The following SDK1 variants were observed in gnomAD, a reference collection of about 807,000 sequenced individuals.
The protein encoded by SDK1 is sidekick cell adhesion molecule 1, also known as protein sidekick-1.
A neutral mutation model predicts 245.5 loss-of-function variants in SDK1; 157 were observed. The observed-to-expected ratio is 0.64, with a 90% CI of 0.56 to 0.73. The LOEUF (loss-of-function observed/expected upper bound fraction) is 0.73, where lower values mean the gene tolerates loss of function less well. SDK1 is among the 30% of genes least tolerant of loss of function. The pLI, the probability that SDK1 is intolerant of heterozygous loss-of-function variation, is 0.00. For synonymous variants in SDK1, 1,647 were observed against 1,278.5 expected, an observed-to-expected ratio of 1.29 and a Z score of -6.15; for missense variants, 3,583 against 3,002.3, an observed-to-expected ratio of 1.19 and a Z score of -4.52.
intron 35 of SDK1, among the ~76,000 whole-genome samples, chr7:4,182,060 C>T (rs956686053): frequency 1.3e-5 from 2 of 152,340 alleles, no homozygotes; most frequent in East Asian, 1.9e-4. Context: ...GCTGGGATTA[C>T]AGGCGCCCGC....
chr7:3,842,473 T>G (rs935387906), intron 5 of SDK1, among the ~76,000 whole-genome samples: 2 of 152,100 alleles, frequency 1.3e-5, no homozygotes, highest in African/African-American at 4.8e-5. Context: ...TGTACTGGCA[T>G]GGGTACTAGG....
intron 4 of SDK1, among the ~76,000 whole-genome samples, chr7:3,768,484 C>G (rs1345256774): frequency 6.6e-6 from 1 of 152,110 alleles, no homozygotes; most frequent in African/African-American, 2.4e-5. Context: ...ATTATTAAGC[C>G]CTCAGCATTT....
At chr7:4,010,787 T>C (rs1294865027) in intron 14 of SDK1, among the ~76,000 whole-genome samples, 179 bp from the exon 15 acceptor site, 1 of 152,204 alleles carries the variant, frequency 6.6e-6, no homozygotes, top group Non-Finnish European at 1.5e-5. Context: ...GCTTGTAAGT[T>C]ACTAGCCACA....
At chr7:4,228,887 C>G (rs1785588654) in intron 40 of SDK1, among the ~76,000 whole-genome samples, 1 of 152,098 alleles carries the variant, frequency 6.6e-6, no homozygotes. Flanking sequence ...GGAAGAGAAA[C>G]CAGGCTGGCT....
chr7:3,302,083 C>T (rs902364185), intron 1 of SDK1, 199 bp downstream of exon 1: 8 of 268,420 alleles, frequency 3.0e-5, no homozygotes, highest in East Asian at 2.1e-4. Context: ...AGAGCCTGCA[C>T]CCCGTCTGCT....
In SDK1 at chr7:4,231,302, G is replaced by A. The variant is rs188182003; in HGVS notation, c.5828-1953G>A. ...ATAATGGCCAGGCATAGTGGCTCAT[G>A]CCTATAATTCCAGCACTTTGAGAGG... On this transcript the variant is annotated intron_variant, in intron 40 of 44. Transcript: ENST00000404826. Among the ~76,000 whole-genome samples the A allele has an allele frequency of 2.0e-5, 3 of 152,076 alleles. No individual in the cohort carries two copies. In the East Asian group the frequency reaches 5.8e-4, roughly 29 times the overall value.
intron 2 of SDK1, among the ~76,000 whole-genome samples, chr7:3,637,461 C>A (rs1445580981): frequency 6.6e-6 from 1 of 152,172 alleles, no homozygotes; most frequent in African/African-American, 2.4e-5. Flanking sequence ...CTTAATTTGT[C>A]TGTGAACGTG....
chr7:3,773,453 C>G (rs115405389), intron 4 of SDK1, among the ~76,000 whole-genome samples: 2 of 152,062 alleles, frequency 1.3e-5, no homozygotes, highest in Non-Finnish European at 2.9e-5. Flanking sequence ...TTGGCTTTCT[C>G]CACATCTGCC....
At chr7:3,396,246 T>A (rs1781893798) in intron 1 of SDK1, among the ~76,000 whole-genome samples, 1 of 151,906 alleles carries the variant, frequency 6.6e-6, no homozygotes, top group Non-Finnish European at 1.5e-5. Context: ...TGCATTATTG[T>A]TGGTAAATAT....
At chr7:4,248,287 CGCACACATATCTATACATACACACAT>C (rs1279889674) in intron 44 of SDK1, among the ~76,000 whole-genome samples, 10 of 151,782 alleles carry the variant, frequency 6.6e-5, no homozygotes, top group African/African-American at 2.4e-4. Context: ...TACACACACA[CGCACACATATCTATACATACACACAT>C]GCACACACAT....
At chr7:3,671,410 T>A (rs1204193054) in intron 4 of SDK1, among the ~76,000 whole-genome samples, 2 of 152,158 alleles carry the variant, frequency 1.3e-5, no homozygotes, top group Non-Finnish European at 2.9e-5. Context: ...TCAATGTACA[T>A]CTCCCCAAAG....
intron 1 of SDK1, among the ~76,000 whole-genome samples, chr7:3,335,439 T>A (rs1780176048): frequency 6.6e-6 from 1 of 151,470 alleles, no homozygotes; most frequent in African/African-American, 2.4e-5. Context: ...TTTTTTCTGT[T>A]CCCCAGTAGA....
At chr7:3,485,829 A>T (rs534287508) in intron 1 of SDK1, among the ~76,000 whole-genome samples, 1 of 151,410 alleles carries the variant, frequency 6.6e-6, no homozygotes, top group South Asian at 2.1e-4. Context: ...GAATCCAACT[A>T]TGGTGGCTTT....
intron 1 of SDK1, among the ~76,000 whole-genome samples, chr7:3,566,909 G>T (rs992003347): frequency 2.0e-5 from 3 of 152,130 alleles, no homozygotes; most frequent in Non-Finnish European, 4.4e-5. Flanking sequence ...AGTTGGCTGA[G>T]GATGGTAGAT....
chr7:3,555,772 A>G (rs927245183), intron 1 of SDK1, among the ~76,000 whole-genome samples: 4 of 152,212 alleles, frequency 2.6e-5, no homozygotes, highest in African/African-American at 9.7e-5. Flanking sequence ...ATCTGAATAG[A>G]TATTTTGCAA....
chr7:3,666,520 G>A (rs997258438), intron 4 of SDK1, among the ~76,000 whole-genome samples: 1 of 152,114 alleles, frequency 6.6e-6, no homozygotes, highest in African/African-American at 2.4e-5. Context: ...GGTTTCCCTG[G>A]GGTCTGGCGA....
chr7:3,357,328 G>GTTTTTTTTTTTTTTTTTTT lies in SDK1; in HGVS notation c.298+55465_298+55483dup, dbSNP rs560124026. Among the ~76,000 whole-genome samples the GTTTTTTTTTTTTTTTTTTT allele has an allele frequency of 2.8e-4, 15 of 52,940 alleles. 4 individuals are homozygous for GTTTTTTTTTTTTTTTTTTT. The highest frequency in any genetic ancestry group is 1.5e-3 in the South Asian group (2 of 1,364). 34.7% of individuals were successfully genotyped at this position (52,940 alleles called of 152,430 possible). A position where few individuals can be genotyped will look rare whatever the true frequency, so the allele number is the denominator to read the frequency against. On this transcript the variant is annotated intron_variant, in intron 1 of 44. Transcript: ENST00000404826. ...TTACTCTTGCTCCCCTTCTTTTAGT[G>GTTTTTTTTTTTTTTTTTTT]TTTTTTTTTTTTTTTTTTTTTTTTT...
At chr7:3,304,137 C>T (rs1779354847) in intron 1 of SDK1, among the ~76,000 whole-genome samples, 1 of 152,086 alleles carries the variant, frequency 6.6e-6, no homozygotes, top group African/African-American at 2.4e-5. Context: ...ATGATGGGAA[C>T]CGCCAGGTTC....
intron 1 of SDK1, among the ~76,000 whole-genome samples, chr7:3,489,086 C>T (rs1781790822): frequency 6.6e-6 from 1 of 152,046 alleles, no homozygotes; most frequent in African/African-American, 2.4e-5. Context: ...TCCAGGCTAG[C>T]GATACAGAGT....
Sources: gnomAD v4.1 joint callset for allele counts (sites outside exome capture counted in the v4.1 genomes callset) on GRCh38, gnomAD v4.1.1 for gene constraint, MANE v1.5 for transcripts, NCBI Gene and HGNC (gene_info 2026-07-23, HGNC 2026-07-21) for gene names.